CEP89: variants seen among roughly 807,000 people sequenced by gnomAD.
CEP89 encodes centrosomal protein of 89 kDa.
Under a neutral mutation model 97.6 loss-of-function variants are expected in CEP89, and 95 were observed. That is an observed-to-expected ratio of 0.97 (90% CI 0.82 to 1.15). The LOEUF (loss-of-function observed/expected upper bound fraction) is 1.15, where lower values mean the gene tolerates loss of function less well. Ranked by LOEUF, CEP89 falls within the 50% of genes most tolerant of loss-of-function variation. The pLI is 0.00. For synonymous variants in CEP89, 354 were observed against 349.1 expected, an observed-to-expected ratio of 1.01 and a Z score of -0.16; for missense variants, 869 against 947.7, an observed-to-expected ratio of 0.92 and a Z score of 1.09.
intron 5 of CEP89, among the ~76,000 whole-genome samples, chr19:32,940,105 T>C (rs973751555): frequency 8.5e-5 from 13 of 152,120 alleles, no homozygotes; most frequent in African/African-American, 3.1e-4. Flanking sequence ...CTGACCACCA[T>C]CCGTGGCTCA....
rs1970764770 is a variant in CEP89 at position 32,944,951 on chromosome 19, T to C, written c.595+3315A>G. Among the ~76,000 whole-genome samples, 3 of 151,868 alleles carry C rather than the reference T, an allele frequency of 2.0e-5. No individual in the cohort carries two copies. In the South Asian group the frequency reaches 6.2e-4, roughly 32 times the overall value. On this transcript the variant is annotated intron_variant, in intron 5 of 18. Coordinates refer to ENST00000305768, the MANE Select transcript of CEP89 (RefSeq NM_032816.5). ...ACTCTAGATTGAGGAGAAAATGAGG[T>C]AAGTAAGTTAGCCATGCCTAGAAAC... is the stretch of plus-strand genomic sequence containing the variant.
At chr19:32,911,458 G>T (rs183180114) in intron 14 of CEP89, among the ~76,000 whole-genome samples, 41 of 152,290 alleles carry the variant, frequency 2.7e-4, no homozygotes, top group African/African-American at 8.9e-4. Flanking sequence ...CTCAAGATCA[G>T]CCTGGGCAAC....
intron 4 of CEP89, among the ~76,000 whole-genome samples, chr19:32,951,669 G>C (rs997066250): frequency 9.2e-5 from 14 of 152,000 alleles, no homozygotes; most frequent in African/African-American, 3.4e-4. Context: ...TCCAAGGAGG[G>C]AGTGGGGTTA....
intron 17 of CEP89, among the ~76,000 whole-genome samples, chr19:32,885,888 T>G (rs1969384389): frequency 6.6e-6 from 1 of 152,214 alleles, no homozygotes; most frequent in Non-Finnish European, 1.5e-5. Flanking sequence ...CCTGTCTGTC[T>G]TTCTCGGTTC....
chr19:32,918,119 G>T, intron 13 of CEP89, 105 bp downstream of exon 13: 1 of 872,634 alleles, frequency 1.1e-6, no homozygotes, highest in Non-Finnish European at 1.9e-6. Context: ...TGCAAAACAT[G>T]ACTTCTCTCA....
intron 1 of CEP89, chr19:32,971,238 A>C (rs1971399437): frequency 2.8e-6 from 1 of 351,578 alleles, no homozygotes. Flanking sequence ...TGGGGTGTAC[A>C]TGGTGGGTGG....
intron 10 of CEP89, among the ~76,000 whole-genome samples, 185 bp from the exon 11 acceptor site, chr19:32,926,458 C>T (rs1188500154): frequency 6.6e-6 from 1 of 152,170 alleles, no homozygotes; most frequent in Non-Finnish European, 1.5e-5. Flanking sequence ...TTGGATCCTT[C>T]CAATTTCAGG....
At chr19:32,880,669 G>T (rs1286476984) in intron 18 of CEP89, among the ~76,000 whole-genome samples, 1 of 148,788 alleles carries the variant, frequency 6.7e-6, no homozygotes, top group East Asian at 2.0e-4. Context: ...AAATTCCCCA[G>T]ACTTTGGTTT....
At chr19:32,950,578 G>A (rs1450881326) in intron 4 of CEP89, among the ~76,000 whole-genome samples, 1 of 152,138 alleles carries the variant, frequency 6.6e-6, no homozygotes, top group Non-Finnish European at 1.5e-5. Flanking sequence ...CACAAAAAAA[G>A]CATTAAGAAG....
chr19:32,958,874 A>G (rs1226529707), intron 3 of CEP89, among the ~76,000 whole-genome samples: 2 of 149,150 alleles, frequency 1.3e-5, no homozygotes, highest in East Asian at 4.0e-4. Flanking sequence ...AAAATTAGCC[A>G]GGTGTGGTGG....
intron 4 of CEP89, among the ~76,000 whole-genome samples, chr19:32,949,162 G>A (rs565148992): frequency 4.7e-4 from 71 of 152,330 alleles, no homozygotes; most frequent in African/African-American, 1.7e-3. Context: ...TCTACTGACT[G>A]AGAGTAGCTC....
rs150903678 is a variant in CEP89, at chr19:32,912,612, G to A, written c.1565+2725C>T. Among the ~76,000 whole-genome samples, 87 of 152,172 alleles carry A rather than the reference G, an allele frequency of 5.7e-4. 1 individual carries two copies. The East Asian group carries it at 6.4e-3, about 11-fold the overall frequency. On this transcript the variant is annotated intron_variant, in intron 14 of 18. Transcript: ENST00000305768. The stretch of plus-strand genomic sequence containing the variant: ...CACTATCCTATTGGTTGCTTCTCTC[G>A]AAAACCCTGGTTGAAACACTTACAA...
chr19:32,884,435 C>T (rs11672662), intron 17 of CEP89, among the ~76,000 whole-genome samples: 22,325 of 152,068 alleles, frequency 0.15, 2,009 homozygotes, highest in Non-Finnish European at 0.21. Flanking sequence ...TTTACATTTA[C>T]CTATAGGACA....
intron 14 of CEP89, among the ~76,000 whole-genome samples, chr19:32,912,049 C>G (rs1449871399): frequency 6.6e-6 from 1 of 151,732 alleles, no homozygotes; most frequent in Non-Finnish European, 1.5e-5. Flanking sequence ...CAACAAAATA[C>G]AAAACTAGCC....
intron 18 of CEP89, among the ~76,000 whole-genome samples, 172 bp downstream of exon 18, chr19:32,881,669 AAAG>A (rs1426652566): frequency 3.9e-5 from 6 of 152,244 alleles, no homozygotes; most frequent in Non-Finnish European, 8.8e-5. Context: ...TTAAAAGAAT[AAAG>A]AAGATGAGGA....
chr19:32,944,601 G>A (rs1970757476), intron 5 of CEP89, among the ~76,000 whole-genome samples: 1 of 152,162 alleles, frequency 6.6e-6, no homozygotes, highest in African/African-American at 2.4e-5. Flanking sequence ...ACATGGAGAG[G>A]GAGAAGGCCT....
chr19:32,885,034 G>A (rs1969365017), intron 17 of CEP89, among the ~76,000 whole-genome samples: 1 of 152,026 alleles, frequency 6.6e-6, no homozygotes, highest in Admixed American at 6.6e-5. Flanking sequence ...CCCTCCTTCT[G>A]TTCACCTGCT....
rs528304255 is a variant in CEP89 at position 32,908,297 on chromosome 19, C to T, written c.1566-6885G>A. Among the ~76,000 whole-genome samples, 52 of 152,256 alleles carry T rather than the reference C, an allele frequency of 3.4e-4. No individual in the cohort carries two copies. The South Asian group carries it at 1.0e-2, about 29-fold the overall frequency. On this transcript the variant is annotated intron_variant, in intron 14 of 18. Coordinates refer to ENST00000305768, the MANE Select transcript of CEP89 (RefSeq NM_032816.5). ...ACAAAGATGCCACCAAATCTTTTTT[C>T]AGTGGAAATTGGAGAAAGACCTTTG... is the stretch of plus-strand genomic sequence containing the variant.
chr19:32,935,235 A>T (rs887941920), intron 7 of CEP89, among the ~76,000 whole-genome samples: 1 of 152,212 alleles, frequency 6.6e-6, no homozygotes, highest in Admixed American at 6.5e-5. Context: ...AGCAGTCGGT[A>T]CAGCCTGGCA....
Sources: allele counts gnomAD v4.1 joint callset (sites outside exome capture counted in the v4.1 genomes callset), GRCh38; gene constraint gnomAD v4.1.1; transcripts MANE v1.5; gene names NCBI Gene and HGNC (gene_info 2026-07-23, HGNC 2026-07-21).